GRIN3A: variants seen among roughly 807,000 people sequenced by gnomAD.
The protein encoded by GRIN3A is glutamate receptor ionotropic, NMDA 3A.
GRIN3A carries 47 observed loss-of-function variants against 92.4 expected under a neutral mutation model. The observed-to-expected ratio is 0.51, with a 90% CI of 0.40 to 0.65. The LOEUF is 0.65. Ranked by LOEUF, GRIN3A falls within the 30% of genes least tolerant of loss-of-function variation. The probability of loss-of-function intolerance (pLI) is 0.00; values close to 1 mark genes in which losing one functional copy is unlikely to be tolerated. For missense variants in GRIN3A, 1,324 were observed against 1,393.1 expected, an observed-to-expected ratio of 0.95 and a Z score of 0.79; for synonymous variants, 527 against 540.6, an observed-to-expected ratio of 0.97 and a Z score of 0.35.
chr9:101,736,576 A>G (rs1216167262), intron 1 of GRIN3A, among the ~76,000 whole-genome samples: 1 of 152,118 alleles, frequency 6.6e-6, no homozygotes, highest in Non-Finnish European at 1.5e-5. Context: ...AGTCCACATT[A>G]CATAGAAGGA....
chr9:101,690,658 T>C (rs977285360), intron 1 of GRIN3A, among the ~76,000 whole-genome samples: 2 of 152,106 alleles, frequency 1.3e-5, no homozygotes, highest in African/African-American at 4.8e-5. Flanking sequence ...GCAAGAGTGG[T>C]AAAAATATTT....
Position 101,737,632 on chromosome 9 carries a change from G to T in GRIN3A, c.348C>A (p.Gly116=), listed in dbSNP as rs775974152. The T allele has an allele frequency of 1.6e-5, 25 of 1,611,492 alleles. No homozygotes were observed. The South Asian group carries it at 2.3e-4, about 15-fold the overall frequency. ...GTGGCCACAGGGCCTCCGCCCTGGC[G>T]CCCTCCCCGGGCTTACGGGAGCCCG... ...GPPGSRKPGE[G]ARAEALWPRD... Residue 116 remains glycine (G), a synonymous_variant, in exon 1 of 9, where the codon GGC becomes GGA. Transcript: ENST00000361820.
chr9:101,594,254 A>C, intron 6 of GRIN3A: 1 of 917,064 alleles, frequency 1.1e-6, no homozygotes, highest in Non-Finnish European at 1.6e-6. Context: ...AATTAATAGC[A>C]CTGAGTTGGT....
rs1588244132 is a variant in GRIN3A, at chr9:101,603,310, ATATG to A, written c.2766+10062_2766+10065del. Among the ~76,000 whole-genome samples the A allele has an allele frequency of 2.0e-5, 3 of 152,300 alleles. No individual in the cohort carries two copies. In the East Asian group the frequency reaches 5.8e-4, roughly 29 times the overall value. On this transcript the variant is annotated intron_variant, in intron 6 of 8. Transcript: ENST00000361820. ...TGTCTATGCTTATTATTCACCAAAT[ATATG>A]TATTTTTTCTGCGTGCATGGTTCTA...
chr9:101,570,231 A>G lies in GRIN3A; in HGVS notation c.*2943T>C, dbSNP rs1052537253. 27 of 152,304 alleles carry G rather than the reference A, an allele frequency of 1.8e-4. No homozygotes were observed. The highest frequency in any genetic ancestry group is 6.5e-4 in the African/African-American group (27 of 41,488). 9.4% of individuals were successfully genotyped at this position (152,304 alleles called of 1,614,324 possible). On this transcript the variant is annotated 3_prime_UTR_variant, in exon 9 of 9. Coordinates refer to ENST00000361820, the MANE Select transcript of GRIN3A (RefSeq NM_133445.3). ...CCAGCTCATCTGAGCATGCTTTATC[A>G]TGTGCTTCCTGTGCCAGAAAAGCAA... is the stretch of plus-strand genomic sequence containing the variant.
intron 4 of GRIN3A, among the ~76,000 whole-genome samples, chr9:101,627,452 A>C (rs1828649219): frequency 6.6e-6 from 1 of 152,072 alleles, no homozygotes; most frequent in Non-Finnish European, 1.5e-5. Context: ...TCCATTGGGG[A>C]GATTATTGAT....
At chr9:101,656,750 C>A (rs570318256) in intron 3 of GRIN3A, among the ~76,000 whole-genome samples, 1 of 151,922 alleles carries the variant, frequency 6.6e-6, no homozygotes, top group South Asian at 2.1e-4. Context: ...TAAATTCTCC[C>A]TAAGATAGAA....
In GRIN3A at chr9:101,628,318, C is replaced by T. The variant is rs1021186056; in HGVS notation, c.2436G>A (p.Glu812=). The change falls in exon 4 of 9, where the codon GAG becomes GAA. Residue 812 remains glutamate, a synonymous_variant. Transcript: ENST00000361820. ...AEDYVRQSFP[E]MHEYMRRYNV... is the part of the protein sequence containing the mutation. ...TGTACCTTCTCATATATTCATGCAT[C>T]TCTGGGAAACTTTGTCTCACATAAT... The T allele has an allele frequency of 5.0e-6, 8 of 1,613,926 alleles. No individual in the cohort carries two copies. Among genetic ancestry groups the T allele is most frequent in the Non-Finnish European group, 6.8e-6 (8 of 1,179,884 alleles).
chr9:101,728,553 A>G (rs1431301191), intron 1 of GRIN3A, among the ~76,000 whole-genome samples: 2 of 152,188 alleles, frequency 1.3e-5, no homozygotes, highest in African/African-American at 4.8e-5. Context: ...GCCATGTCAA[A>G]TCTGCATTTT....
chr9:101,724,682 G>T (rs1213970838), intron 1 of GRIN3A, among the ~76,000 whole-genome samples: 1 of 152,214 alleles, frequency 6.6e-6, no homozygotes, highest in Non-Finnish European at 1.5e-5. Flanking sequence ...TCTCAGTAAT[G>T]AGTCTCACAC....
chr9:101,614,345 T>C (rs1241121368), intron 5 of GRIN3A, among the ~76,000 whole-genome samples: 1 of 152,072 alleles, frequency 6.6e-6, no homozygotes, highest in African/African-American at 2.4e-5. Flanking sequence ...ATAGCAAAAA[T>C]TGGAAACAAC....
At chr9:101,715,228 C>G (rs10760801) in intron 1 of GRIN3A, among the ~76,000 whole-genome samples, 46,761 of 144,942 alleles carry the variant, frequency 0.32, 8,488 homozygotes, top group Non-Finnish European at 0.41. Flanking sequence ...AAGAAAATGT[C>G]AACATTCTAT....
intron 3 of GRIN3A, 23 bp from the exon 4 acceptor site, chr9:101,628,424 G>T (rs755203890): frequency 6.2e-7 from 1 of 1,607,996 alleles, no homozygotes; most frequent in South Asian, 1.1e-5. Flanking sequence ...AAAAGAAATG[G>T]CTTAAATAAA....
At chr9:101,604,397 A>C (rs780493304) in intron 6 of GRIN3A, among the ~76,000 whole-genome samples, 11 of 152,190 alleles carry the variant, frequency 7.2e-5, no homozygotes, top group Non-Finnish European at 1.5e-4. Flanking sequence ...AAAAGAATAC[A>C]TGGACAACTT....
intron 7 of GRIN3A, among the ~76,000 whole-genome samples, chr9:101,578,756 A>G (rs140906777): frequency 3.3e-4 from 50 of 152,300 alleles, no homozygotes; most frequent in South Asian, 6.2e-4. Context: ...CTTGGCCCCA[A>G]TGGGTCTCAA....
intron 3 of GRIN3A, among the ~76,000 whole-genome samples, chr9:101,650,396 G>T (rs1039098572): frequency 2.0e-5 from 3 of 152,024 alleles, no homozygotes; most frequent in East Asian, 3.9e-4. Context: ...CAAAGTGCTT[G>T]CATCTTTGCT....
Position 101,670,943 on chromosome 9 carries a change from A to G in GRIN3A, c.1469T>C (p.Val490Ala). The G allele has an allele frequency of 1.5e-5, 25 of 1,614,012 alleles. No homozygotes were observed. The highest frequency in any genetic ancestry group is 2.1e-5 in the Non-Finnish European group (25 of 1,179,942). Residue 490 changes from valine (V) to alanine (A), a missense_variant, in exon 3 of 9, where the codon GTC becomes GCC. Transcript: ENST00000361820. ...CTCTGGCCATATTCCATAGTCCATG[A>G]CAATCTTTCCCCCCTGCCAGCTGCC... Reference protein sequence around the residue: ...RLGSWQGGKIVMDYGIWPEQA... With the variant: ...RLGSWQGGKIAMDYGIWPEQA...
chr9:101,686,471 TA>T, intron 2 of GRIN3A, 124 bp downstream of exon 2: 1 of 1,090,334 alleles, frequency 9.2e-7, no homozygotes, highest in Middle Eastern at 2.2e-4. Context: ...AGAAATCCTC[TA>T]AGAAATATTA....
chr9:101,605,284 C>T (rs1828263822), intron 6 of GRIN3A, among the ~76,000 whole-genome samples: 1 of 152,210 alleles, frequency 6.6e-6, no homozygotes, highest in Non-Finnish European at 1.5e-5. Context: ...ACTATCCATT[C>T]AGCACCTACT....
Sources: gnomAD v4.1 joint callset for allele counts (sites outside exome capture counted in the v4.1 genomes callset) on GRCh38, gnomAD v4.1.1 for gene constraint, MANE v1.5 for transcripts, NCBI Gene and HGNC (gene_info 2026-07-23, HGNC 2026-07-21) for gene names.